BDKRB2: variants seen among roughly 807,000 people sequenced by gnomAD.
BDKRB2 encodes B2 bradykinin receptor.
In BDKRB2, 6 loss-of-function variants were observed where a neutral mutation model predicts 4.0. The observed-to-expected ratio is 1.49, with a 90% CI of 0.81 to 2.93. BDKRB2 has a LOEUF of 2.93. Ranked by LOEUF, BDKRB2 falls within the 30% of genes most tolerant of loss-of-function variation. BDKRB2 has a pLI of 0.00. For synonymous variants in BDKRB2, 225 were observed against 215.3 expected, an observed-to-expected ratio of 1.05 and a Z score of -0.40; for missense variants, 478 against 520.1, an observed-to-expected ratio of 0.92 and a Z score of 0.79.
In BDKRB2 at chr14:96,239,408, CA is replaced by C. The variant is rs1885207271; in HGVS notation, c.75-994del. The stretch of plus-strand genomic sequence containing the variant: ...GTGGAACTCATGGCTGTCCAAGCCC[CA>C]CGCCTCTGCTGAAGGTAGAGATGAA... On this transcript the variant is annotated intron_variant, in intron 2 of 2. Coordinates refer to ENST00000554311, the MANE Select transcript of BDKRB2 (RefSeq NM_001379692.1). 13 of 985,408 alleles carry C rather than the reference CA, an allele frequency of 1.3e-5. No homozygotes were observed. The South Asian group carries it at 5.2e-4, about 39-fold the overall frequency. The allele number at this position is 985,408 out of a possible 1,614,324, so 61.0% of individuals were successfully genotyped here.
intron 1 of BDKRB2, among the ~76,000 whole-genome samples, chr14:96,232,272 T>C (rs1461547522): frequency 2.6e-5 from 4 of 152,200 alleles, no homozygotes; most frequent in Non-Finnish European, 5.9e-5. Flanking sequence ...CACTGTATAG[T>C]TGAAAAAAAC....
intron 1 of BDKRB2, among the ~76,000 whole-genome samples, chr14:96,222,279 G>A (rs998728377): frequency 6.6e-6 from 1 of 152,054 alleles, no homozygotes; most frequent in South Asian, 2.1e-4. Context: ...ACTTCCCTGC[G>A]TTCACCAACT....
At chr14:96,208,103 C>G (rs1464420631) in intron 1 of BDKRB2, among the ~76,000 whole-genome samples, 1 of 152,156 alleles carries the variant, frequency 6.6e-6, no homozygotes, top group Non-Finnish European at 1.5e-5. Context: ...GGGGTTTGTA[C>G]CATTCTAGTC....
At position 96,241,459 on chromosome 14, in the gene BDKRB2, A is replaced by C; in HGVS notation, c.1131A>C (p.Glu377Asp). The change falls in exon 3 of 3, where the codon GAA (glutamate) becomes GAC (aspartate). Residue 377 changes from glutamate (E) to aspartate (D), a missense_variant. Glu to Asp is a conservative substitution (Grantham distance 45). Transcript: ENST00000554311. ...CACTGCGGACCTCCATCTCCGTGGA[A>C]CGCCAGATTCACAAACTGCAGGACT... ...MGTLRTSISV[E>D]RQIHKLQDWA... The C allele has an allele frequency of 1.9e-6, 3 of 1,577,528 alleles. No individual in the cohort carries two copies. Among genetic ancestry groups the C allele is most frequent in the Non-Finnish European group, 2.6e-6 (3 of 1,168,402 alleles).
intron 1 of BDKRB2, among the ~76,000 whole-genome samples, chr14:96,220,517 C>T (rs1890533883): frequency 6.6e-6 from 1 of 152,054 alleles, no homozygotes; most frequent in Non-Finnish European, 1.5e-5. Context: ...TCATCAAGGT[C>T]TTTTTGTCCG....
rs199739317 is a variant in BDKRB2, at chr14:96,240,403, C to G, written c.75C>G (p.Ser25Arg). 1.4e-6 allele frequency: 2 copies of G among 1,434,686 alleles called. No individual in the cohort carries two copies. Among genetic ancestry groups the G allele is most frequent in the Non-Finnish European group, 1.8e-6 (2 of 1,090,838 alleles). The allele number at this position is 1,434,686 out of a possible 1,614,324, so 88.9% of individuals were successfully genotyped here. Residue 25 changes from serine to arginine, a missense_variant and splice_region_variant, in exon 3 of 3, where the codon AGC becomes AGG. Ser to Arg is a moderately radical substitution (Grantham distance 110, BLOSUM62 -1). Transcript: ENST00000554311. ...CAGCCTCTTTTCCACTTTCTTTCAG[C>G]GCCGACATGCTCAATGTCACCTTGC... is the stretch of plus-strand genomic sequence containing the variant. ...EDSVPTTASFSADMLNVTLQG... is the reference protein window; with the variant it reads ...EDSVPTTASFRADMLNVTLQG...
At chr14:96,225,004 T>G (rs1170650131) in intron 1 of BDKRB2, among the ~76,000 whole-genome samples, 1 of 151,528 alleles carries the variant, frequency 6.6e-6, no homozygotes, top group African/African-American at 2.4e-5. Flanking sequence ...GCAGCCTCCT[T>G]TGTGCCACAC....
chr14:96,218,936 G>A (rs142245185), intron 1 of BDKRB2, among the ~76,000 whole-genome samples: 9 of 150,026 alleles, frequency 6.0e-5, no homozygotes, highest in African/African-American at 2.2e-4. Flanking sequence ...ACAAACAAAC[G>A]AACCAAAACA....
In BDKRB2 at chr14:96,230,506, C is replaced by T. The variant is rs190013324; in HGVS notation, c.-39-6563C>T. Among the ~76,000 whole-genome samples the T allele has an allele frequency of 3.4e-4, 52 of 151,454 alleles. 1 individual carries two copies. The highest frequency in any genetic ancestry group is 9.9e-4 in the African/African-American group (41 of 41,302). On this transcript the variant is annotated intron_variant, in intron 1 of 2. Coordinates refer to ENST00000554311, the MANE Select transcript of BDKRB2 (RefSeq NM_001379692.1). ...GCCTCCTGGGTTCAAGTGATTCTCC[C>T]GCCTCAGCCCCCCAAGTAGCTGGGA...
At chr14:96,232,581 T>C (rs1890841801) in intron 1 of BDKRB2, among the ~76,000 whole-genome samples, 1 of 152,198 alleles carries the variant, frequency 6.6e-6, no homozygotes, top group South Asian at 2.1e-4. Context: ...AGATGATAAC[T>C]GTACAAAATA....
chr14:96,233,709 T>C (rs1467046930), intron 1 of BDKRB2: 1 of 152,188 alleles, frequency 6.6e-6, no homozygotes, highest in Non-Finnish European at 1.5e-5. Context: ...AGGCCACTGC[T>C]TCAAAGGCCC....
chr14:96,225,144 C>CA (rs1402226878), intron 1 of BDKRB2, among the ~76,000 whole-genome samples: 5 of 152,146 alleles, frequency 3.3e-5, no homozygotes, highest in Non-Finnish European at 7.4e-5. Flanking sequence ...GCTTGCATGC[C>CA]TCTCAGGATG....
At chr14:96,210,200 G>A (rs1443122494) in intron 1 of BDKRB2, among the ~76,000 whole-genome samples, 1 of 152,160 alleles carries the variant, frequency 6.6e-6, no homozygotes, top group Non-Finnish European at 1.5e-5. Flanking sequence ...GGCCCACAAG[G>A]AATTTCACTG....
At chr14:96,211,822 C>A (rs1387191576) in intron 1 of BDKRB2, among the ~76,000 whole-genome samples, 1 of 152,154 alleles carries the variant, frequency 6.6e-6, no homozygotes, top group Non-Finnish European at 1.5e-5. Flanking sequence ...AAACTACCTA[C>A]GAAAACTGGG....
intron 1 of BDKRB2, among the ~76,000 whole-genome samples, chr14:96,206,915 G>T (rs1390509538): frequency 3.9e-5 from 6 of 152,176 alleles, no homozygotes. Context: ...TGGGTGTCTG[G>T]TGAGGACCTA....
Position 96,243,205 on chromosome 14 carries a change from T to G in BDKRB2, c.*1701T>G, listed in dbSNP as rs571827301. The G allele has an allele frequency of 2.0e-5, 3 of 146,346 alleles. No individual in the cohort carries two copies. Among genetic ancestry groups the G allele is most frequent in the Non-Finnish European group, 4.3e-5 (3 of 69,324 alleles). 9.1% of individuals were successfully genotyped at this position (146,346 alleles called of 1,614,324 possible). On this transcript the variant is annotated 3_prime_UTR_variant, in exon 3 of 3. Transcript: ENST00000554311. ...AGCTAGAACCTGGAGGGCTAGAATC[T>G]GGAGAGCTAGAACCTGGAGGGCTAG...
intron 1 of BDKRB2, among the ~76,000 whole-genome samples, chr14:96,222,868 A>G (rs1890606480): frequency 6.6e-6 from 1 of 152,084 alleles, no homozygotes; most frequent in Non-Finnish European, 1.5e-5. Flanking sequence ...ACCAAAATTG[A>G]TTTCACCTGT....
Position 96,244,100 on chromosome 14 carries a change from A to ATTTT in BDKRB2, c.*2596_*2597insTTTT, listed in dbSNP as rs1885377398. The ATTTT allele has an allele frequency of 2.5e-6, 1 of 398,348 alleles. No homozygotes were observed. The highest frequency in any genetic ancestry group is 2.1e-5 in the African/African-American group (1 of 48,650). 24.7% of individuals were successfully genotyped at this position (398,348 alleles called of 1,614,324 possible). A position where few individuals can be genotyped will look rare whatever the true frequency, so the allele number is the denominator to read the frequency against. On this transcript the variant is annotated 3_prime_UTR_variant, in exon 3 of 3. Transcript: ENST00000554311. ...GTAAACAGGAAGCATTTCACATCCA[A>ATTTT]ACGAGAAAATCATGTAAACATGTGT...
At chr14:96,219,022 G>A (rs1362522970) in intron 1 of BDKRB2, among the ~76,000 whole-genome samples, 1 of 151,782 alleles carries the variant, frequency 6.6e-6, no homozygotes, top group Non-Finnish European at 1.5e-5. Context: ...GAGCTGGCAC[G>A]GCCGGGCACG....
Sources: allele counts gnomAD v4.1 joint callset (sites outside exome capture counted in the v4.1 genomes callset), GRCh38; gene constraint gnomAD v4.1.1; transcripts MANE v1.5; gene names NCBI Gene and HGNC (gene_info 2026-07-23, HGNC 2026-07-21).